The following MEIKIN variants were observed in gnomAD, a reference collection of about 807,000 sequenced individuals.
MEIKIN encodes meiotic kinetochore factor.
chr5:131,857,819 T>C (rs534695521), intron 9 of MEIKIN, among the ~76,000 whole-genome samples: 3 of 152,180 alleles, frequency 2.0e-5, no homozygotes, highest in Non-Finnish European at 2.9e-5. Flanking sequence ...TGTGTGTACA[T>C]GCACCCTGCC....
intron 11 of MEIKIN, among the ~76,000 whole-genome samples, chr5:131,850,106 G>T (rs182077450): frequency 2.0e-5 from 3 of 149,070 alleles, no homozygotes; most frequent in Admixed American, 6.7e-5. Flanking sequence ...GCATCCAAAA[G>T]AATATTTAGG....
At chr5:131,891,209 G>A (rs1478312744) in intron 8 of MEIKIN, among the ~76,000 whole-genome samples, 8 of 152,170 alleles carry the variant, frequency 5.3e-5, no homozygotes, top group African/African-American at 1.4e-4. Context: ...TTGGGGTGGC[G>A]AGTTCTGTAG....
intron 12 of MEIKIN, among the ~76,000 whole-genome samples, chr5:131,813,852 G>A (rs936555879): frequency 6.6e-6 from 1 of 152,026 alleles, no homozygotes; most frequent in African/African-American, 2.4e-5. Flanking sequence ...TACATAAAAG[G>A]GAGTTTATTA....
At chr5:131,944,542 T>C (rs1016003308) in intron 3 of MEIKIN, 123 bp downstream of exon 3, 1 of 396,156 alleles carries the variant, frequency 2.5e-6, no homozygotes, top group Non-Finnish European at 4.5e-6. Context: ...TTTATAAAAA[T>C]ACTGGTGAGC....
intron 8 of MEIKIN, among the ~76,000 whole-genome samples, chr5:131,897,679 C>T (rs192232982): frequency 1.2e-3 from 188 of 152,212 alleles, no homozygotes; most frequent in African/African-American, 4.3e-3. Flanking sequence ...TTGATGAAAT[C>T]GGCTATTGAA....
chr5:131,891,604 T>A (rs1419624315), intron 8 of MEIKIN, among the ~76,000 whole-genome samples: 1 of 152,058 alleles, frequency 6.6e-6, no homozygotes, highest in Non-Finnish European at 1.5e-5. Flanking sequence ...TTTGAGCCTA[T>A]GTGTCTCTGC....
intron 9 of MEIKIN, among the ~76,000 whole-genome samples, chr5:131,876,076 T>G (rs544214087): frequency 2.8e-4 from 42 of 152,318 alleles, no homozygotes; most frequent in African/African-American, 9.6e-4. Context: ...ATTCAGGATG[T>G]AGGCATGGGC....
chr5:131,897,418 T>C (rs1001122978), intron 8 of MEIKIN, among the ~76,000 whole-genome samples: 1 of 152,230 alleles, frequency 6.6e-6, no homozygotes, highest in Non-Finnish European at 1.5e-5. Context: ...ATTTCCTGAA[T>C]TTGAATGTTG....
intron 3 of MEIKIN, chr5:131,944,325 T>C (rs1751923851): frequency 5.8e-6 from 1 of 173,172 alleles, no homozygotes; most frequent in Admixed American, 6.3e-5. Flanking sequence ...CCCTTAGTAA[T>C]GAATGTTTCC....
At chr5:131,809,213 A>C (rs1015363205) in intron 12 of MEIKIN, among the ~76,000 whole-genome samples, 1 of 152,222 alleles carries the variant, frequency 6.6e-6, no homozygotes, top group Non-Finnish European at 1.5e-5. Context: ...ATCCAGACTC[A>C]ATAAATGTTT....
chr5:131,912,756 G>A (rs1751350663), intron 7 of MEIKIN, among the ~76,000 whole-genome samples: 1 of 152,098 alleles, frequency 6.6e-6, no homozygotes, highest in South Asian at 2.1e-4. Context: ...CTTGTAATAA[G>A]TAGCTATTTT....
Position 131,861,713 on chromosome 5 carries a change from T to C in MEIKIN, c.775-6879A>G, listed in dbSNP as rs147564678. 3.8e-3 allele frequency among the ~76,000 whole-genome samples: 575 copies of C among 152,352 alleles called. 4 individuals are homozygous for C. The highest frequency in any genetic ancestry group is 0.013 in the African/African-American group (540 of 41,582). The stretch of plus-strand genomic sequence containing the variant: ...TTCTGCATCTATAAAAATAATCATA[T>C]AGTTTTTGTTCTTGGTTCTGTTAAT... On this transcript the variant is annotated intron_variant, in intron 9 of 12. Transcript: ENST00000442687.
In MEIKIN at chr5:131,845,272, T is replaced by TAAA. The variant is rs1158220526; in HGVS notation, c.975+5989_975+5991dup. ...GTGACAGAGCGAGAAGACTTCGTCT[T>TAAA]AAAAAAAAAAAAAAAAAAAAAAAAA... On this transcript the variant is annotated intron_variant, in intron 11 of 12. Transcript: ENST00000442687. Among the ~76,000 whole-genome samples the TAAA allele has an allele frequency of 7.4e-3, 335 of 45,348 alleles. 35 individuals are homozygous for TAAA. Among genetic ancestry groups the TAAA allele is most frequent in the African/African-American group, 0.04 (286 of 7,156 alleles). 29.8% of individuals were successfully genotyped at this position (45,348 alleles called of 152,430 possible). A position where few individuals can be genotyped will look rare whatever the true frequency, so the allele number is the denominator to read the frequency against.
rs956297661 is a variant in MEIKIN, at chr5:131,921,865, C to T, written c.555G>A (p.Ala185=). 6 of 398,850 alleles carry T rather than the reference C, an allele frequency of 1.5e-5. No individual in the cohort carries two copies. The highest frequency in any genetic ancestry group is 3.6e-5 in the East Asian group (1 of 28,072). 24.7% of individuals were successfully genotyped at this position (398,850 alleles called of 1,614,324 possible). A position where few individuals can be genotyped will look rare whatever the true frequency, so the allele number is the denominator to read the frequency against. Reference sequence around the variant, plus strand: ...TTGAAAACTGTGGTGCCTTCTCTATCGCTACTGCTTTACTGGTATCCAGAA... The same window carrying T: ...TTGAAAACTGTGGTGCCTTCTCTATTGCTACTGCTTTACTGGTATCCAGAA... ...STLLDTSKAV[A]IEKAPQFSNV... Residue 185 remains alanine, a synonymous_variant, in exon 6 of 13, where the codon GCG becomes GCA. Coordinates refer to ENST00000442687, the MANE Select transcript of MEIKIN (RefSeq NM_001303622.2).
chr5:131,941,142 C>CTTTTTTTTTTTTTTTTTTTTT (rs397999274), intron 4 of MEIKIN, among the ~76,000 whole-genome samples: 2 of 59,662 alleles, frequency 3.4e-5, no homozygotes, highest in Admixed American at 2.7e-4. Context: ...AGATCTCTTC[C>CTTTTTTTTTTTTTTTTTTTTT]TTTTTTTTTT....
chr5:131,891,930 G>C (rs1750929028), intron 8 of MEIKIN, among the ~76,000 whole-genome samples: 1 of 152,112 alleles, frequency 6.6e-6, no homozygotes, highest in African/African-American at 2.4e-5. Flanking sequence ...ACATCTCTCA[G>C]CATTTGCTTG....
intron 12 of MEIKIN, among the ~76,000 whole-genome samples, chr5:131,810,029 A>G (rs547131820): frequency 6.6e-6 from 1 of 152,328 alleles, no homozygotes; most frequent in East Asian, 1.9e-4. Flanking sequence ...TACAGATAGG[A>G]GGCTAAAATT....
At chr5:131,931,262 T>A (rs534102864) in intron 5 of MEIKIN, among the ~76,000 whole-genome samples, 3 of 152,260 alleles carry the variant, frequency 2.0e-5, no homozygotes, top group African/African-American at 7.2e-5. Flanking sequence ...CCCAAGAACA[T>A]CCCTTGAAAA....
chr5:131,941,062 A>C (rs542556506), intron 4 of MEIKIN, among the ~76,000 whole-genome samples: 4 of 143,738 alleles, frequency 2.8e-5, no homozygotes, highest in African/African-American at 1.0e-4. Context: ...CCAATATATT[A>C]GGGGATTATG....
Sources: gnomAD v4.1 joint callset for allele counts (sites outside exome capture counted in the v4.1 genomes callset) on GRCh38, gnomAD v4.1.1 for gene constraint, MANE v1.5 for transcripts, NCBI Gene and HGNC (gene_info 2026-07-23, HGNC 2026-07-21) for gene names.